MAP3K13: variants seen among roughly 807,000 people sequenced by gnomAD.
The protein encoded by MAP3K13 is leucine zipper-bearing kinase.
A neutral mutation model predicts 104.0 loss-of-function variants in MAP3K13; 52 were observed. The ratio of observed to expected loss-of-function variants is 0.50; its 90% confidence interval spans 0.40 to 0.63. MAP3K13 has a LOEUF of 0.63. Ranked by LOEUF, MAP3K13 falls within the 20% of genes least tolerant of loss-of-function variation. MAP3K13 has a pLI of 0.00. For missense variants in MAP3K13, 914 were observed against 1,218.5 expected, an observed-to-expected ratio of 0.75 and a Z score of 3.72; for synonymous variants, 394 against 442.2, an observed-to-expected ratio of 0.89 and a Z score of 1.37.
At chr3:185,465,353 T>C (rs1717351232) in intron 8 of MAP3K13, among the ~76,000 whole-genome samples, 1 of 152,164 alleles carries the variant, frequency 6.6e-6, no homozygotes. Context: ...ATTCAGACCA[T>C]ACCAACCACT....
chr3:185,344,314 A>C (rs548534880), intron 2 of MAP3K13, among the ~76,000 whole-genome samples: 7 of 152,274 alleles, frequency 4.6e-5, no homozygotes, highest in Middle Eastern at 3.4e-3. Context: ...TTTGAAAAGG[A>C]GAGACATGGA....
intron 10 of MAP3K13, among the ~76,000 whole-genome samples, chr3:185,467,640 G>A (rs1486234154): frequency 1.3e-5 from 2 of 152,116 alleles, no homozygotes; most frequent in East Asian, 3.9e-4. Context: ...AAAATTATCT[G>A]GGCGTGGTGG....
At chr3:185,331,781 C>T (rs369790219) in intron 2 of MAP3K13, among the ~76,000 whole-genome samples, 1 of 152,150 alleles carries the variant, frequency 6.6e-6, no homozygotes, top group Non-Finnish European at 1.5e-5. Flanking sequence ...CCCCAAACCA[C>T]GGCTATTATT....
chr3:185,309,037 T>A (rs1002991558), intron 2 of MAP3K13, among the ~76,000 whole-genome samples: 1 of 152,166 alleles, frequency 6.6e-6, no homozygotes, highest in African/African-American at 2.4e-5. Flanking sequence ...CTTATAAGGA[T>A]GCCAGTCATG....
chr3:185,336,774 A>C (rs913940167), intron 2 of MAP3K13, among the ~76,000 whole-genome samples: 2 of 151,742 alleles, frequency 1.3e-5, no homozygotes, highest in African/African-American at 4.8e-5. Flanking sequence ...TGATAGCAAA[A>C]TATACTCTTT....
intron 1 of MAP3K13, among the ~76,000 whole-genome samples, chr3:185,377,013 G>A (rs1157201295): frequency 6.6e-6 from 1 of 152,124 alleles, no homozygotes; most frequent in Non-Finnish European, 1.5e-5. Context: ...AAGAAGACAT[G>A]TTTGAAATCC....
At chr3:185,404,345 C>T (rs919330908) in intron 1 of MAP3K13, among the ~76,000 whole-genome samples, 1 of 152,160 alleles carries the variant, frequency 6.6e-6, no homozygotes, top group African/African-American at 2.4e-5. Flanking sequence ...AAGAGGAACT[C>T]TTTTGTGGTC....
At chr3:185,409,396 A>G (rs1200767201) in intron 1 of MAP3K13, among the ~76,000 whole-genome samples, 1 of 152,194 alleles carries the variant, frequency 6.6e-6, no homozygotes, top group Non-Finnish European at 1.5e-5. Context: ...TAAGCTTAAT[A>G]TCTCTGATTA....
At chr3:185,311,886 T>C (rs892039038) in intron 2 of MAP3K13, among the ~76,000 whole-genome samples, 3 of 152,200 alleles carry the variant, frequency 2.0e-5, no homozygotes, top group African/African-American at 7.2e-5. Context: ...ATGAATGAGC[T>C]TTGCTGGACT....
At chr3:185,467,107 T>A in intron 10 of MAP3K13, 144 bp downstream of exon 10, 1 of 858,084 alleles carries the variant, frequency 1.2e-6, no homozygotes, top group Non-Finnish European at 1.8e-6. Context: ...TAAAACAGAG[T>A]AAGAAGGTGA....
At chr3:185,360,683 T>C (rs1413709190), upstream of MAP3K13, among the ~76,000 whole-genome samples, 1 of 152,166 alleles carries the variant, frequency 6.6e-6, no homozygotes, top group Non-Finnish European at 1.5e-5. Flanking sequence ...CCAAGAATCT[T>C]AGGTGACTGT....
intron 1 of MAP3K13, among the ~76,000 whole-genome samples, chr3:185,378,240 T>C (rs1207840239): frequency 1.3e-5 from 2 of 152,122 alleles, no homozygotes; most frequent in African/African-American, 4.8e-5. Context: ...CGGGAGCAGA[T>C]TGGGTAATAA....
intron 3 of MAP3K13, among the ~76,000 whole-genome samples, chr3:185,439,659 C>T (rs1287506344): frequency 2.0e-5 from 3 of 152,098 alleles, no homozygotes; most frequent in South Asian, 2.1e-4. Context: ...GTAGGGTACC[C>T]GGGGTCACTG....
At chr3:185,285,891 C>G (rs2108666431) in intron 2 of MAP3K13, among the ~76,000 whole-genome samples, 1 of 152,134 alleles carries the variant, frequency 6.6e-6, no homozygotes, top group East Asian at 1.9e-4. Context: ...GCTCTGCTTT[C>G]TTTTTTTAGG....
rs1717936004 is a variant in MAP3K13, at chr3:185,473,566, A to G, written c.2235A>G (p.Ile745Met). 6.2e-7 allele frequency: 1 copy of G among 1,613,846 alleles called. No individual in the cohort carries two copies. Among genetic ancestry groups the G allele is most frequent in the Non-Finnish European group, 8.5e-7 (1 of 1,180,008 alleles). The change falls in exon 11 of 14, where the codon ATA becomes ATG. Residue 745 changes from isoleucine (I) to methionine (M), a missense_variant. This residue lies in a region of MAP3K13 where 583 missense variants were observed against 737.4 expected (regional missense o/e 0.79). Transcript: ENST00000265026. The surrounding 1 kb of genome is among the most constrained non-coding windows in gnomAD (Gnocchi z 4.9). ...CAGAACAGTATGGGTCCTTAGACATACCCTCTGCTGAGCCAGTGGGGAGGA... is the reference window on the plus strand; with the variant it reads ...CAGAACAGTATGGGTCCTTAGACATGCCCTCTGCTGAGCCAGTGGGGAGGA... ...CRPEQYGSLD[I>M]PSAEPVGRSP...
intron 1 of MAP3K13, 29 bp from the exon 2 acceptor site, chr3:185,428,468 A>T: frequency 1.4e-6 from 2 of 1,384,066 alleles, no homozygotes; most frequent in South Asian, 1.6e-5. Context: ...AGAAAGGATG[A>T]TCTCTTATCT....
At position 185,293,861 on chromosome 3, in the gene MAP3K13, G is replaced by A. The variant is rs115330995; in HGVS notation, c.-86+8218G>A. On this transcript the variant is annotated intron_variant, in intron 2 of 14. Coordinates refer to the MAP3K13 transcript ENST00000424227. ...ATTTAATATCAATTTGACTTATGGT[G>A]TAATTGAAATATTTTTTATTTTGTA... 2.7e-3 allele frequency among the ~76,000 whole-genome samples: 418 copies of A among 152,194 alleles called. 4 individuals are homozygous for A. Among genetic ancestry groups the A allele is most frequent in the African/African-American group, 9.6e-3 (397 of 41,498 alleles).
chr3:185,369,322 G>A (rs1052977952), intron 1 of MAP3K13, among the ~76,000 whole-genome samples: 3 of 152,196 alleles, frequency 2.0e-5, no homozygotes, highest in African/African-American at 7.2e-5. Context: ...AAACAAAGGG[G>A]TCAGTGGTTG....
upstream of MAP3K13, among the ~76,000 whole-genome samples, chr3:185,362,326 G>T (rs1252249888): frequency 6.6e-6 from 1 of 152,182 alleles, no homozygotes; most frequent in African/African-American, 2.4e-5. Context: ...TGCCTCTTGA[G>T]TGAATTTAAT....
Sources: gnomAD v4.1 joint callset for allele counts (sites outside exome capture counted in the v4.1 genomes callset) on GRCh38, gnomAD v4.1.1 for gene constraint, gnomAD v4.1.1 regional missense constraint, Gnocchi (gnomAD v3.1) non-coding constraint, MANE v1.5 for transcripts, NCBI Gene and HGNC (gene_info 2026-07-23, HGNC 2026-07-21) for gene names.